The following PLCG2 variants were observed in gnomAD, a reference collection of about 807,000 sequenced individuals.
PLCG2 encodes phospholipase C gamma 2.
In PLCG2, 69 loss-of-function variants were observed where a neutral mutation model predicts 175.6. That is an observed-to-expected ratio of 0.39 (90% CI 0.32 to 0.48). PLCG2 has a LOEUF of 0.48. Ranked by LOEUF, PLCG2 falls within the 20% of genes least tolerant of loss-of-function variation. The pLI is 0.91. For synonymous variants in PLCG2, 827 were observed against 624.0 expected (o/e 1.33, Z -4.85); for missense variants, 1,798 against 1,650.9 (o/e 1.09, Z -1.54).
intron 1 of PLCG2, among the ~76,000 whole-genome samples, chr16:81,784,203 C>T (rs1304454703): frequency 1.3e-5 from 2 of 152,148 alleles, no homozygotes; most frequent in Non-Finnish European, 1.5e-5. Flanking sequence ...GGGCAAAGGG[C>T]AAATCCTGGG....
chr16:81,956,054 T>A (rs150393459), intron 31 of PLCG2, among the ~76,000 whole-genome samples: 2 of 152,342 alleles, frequency 1.3e-5, no homozygotes, highest in African/African-American at 4.8e-5. Context: ...CATTAGCTGC[T>A]GCCACTCACT....
chr16:81,897,053 G>T (rs1020974713), intron 13 of PLCG2, among the ~76,000 whole-genome samples: 2 of 152,230 alleles, frequency 1.3e-5, no homozygotes, highest in Admixed American at 6.5e-5. Context: ...CAGCCCTGTT[G>T]CTGAAGTGCA....
At chr16:81,866,365 A>T (rs60584170) in intron 5 of PLCG2, among the ~76,000 whole-genome samples, 1 of 86,784 alleles carries the variant, frequency 1.2e-5, no homozygotes, top group African/African-American at 4.6e-5. Context: ...TCCCAGGTTG[A>T]GCTCCACTGG....
At chr16:81,948,162 T>TA (rs1911224757) in intron 31 of PLCG2, among the ~76,000 whole-genome samples, 1 of 152,214 alleles carries the variant, frequency 6.6e-6, no homozygotes, top group South Asian at 2.1e-4. Flanking sequence ...AGCAATGGAA[T>TA]AATAAATCAA....
In PLCG2 at chr16:81,908,428, A is replaced by C; in HGVS notation, c.1570A>C (p.Thr524Pro). The change falls in exon 17 of 33, where the codon ACA (threonine) becomes CCA (proline). Residue 524 changes from threonine (T) to proline (P), a missense_variant. Coordinates refer to ENST00000564138, the MANE Select transcript of PLCG2 (RefSeq NM_002661.5). The stretch of plus-strand genomic sequence containing the variant: ...CTTTGCGGCCCAGGATATACCCCCT[A>C]CAGAACTACATTTTGGGGAGAAATG... ...EEEVPQDIPP[T>P]ELHFGEKWFH... 3 of 1,613,946 alleles carry C rather than the reference A, an allele frequency of 1.9e-6. No individual in the cohort carries two copies. Among genetic ancestry groups the C allele is most frequent in the Non-Finnish European group, 2.5e-6 (3 of 1,179,912 alleles).
chr16:81,859,370 G>C, intron 5 of PLCG2: 1 of 530,068 alleles, frequency 1.9e-6, no homozygotes. Flanking sequence ...GAAAATTCAA[G>C]TACAGCCTCA....
At chr16:81,754,172 G>A (rs1039919557) in intron 1 of PLCG2, among the ~76,000 whole-genome samples, 6 of 151,794 alleles carry the variant, frequency 4.0e-5, no homozygotes, top group African/African-American at 1.5e-4. Context: ...CTCCATCTCC[G>A]TCTCCACCTC....
chr16:81,946,898 AGTGAAGCAGACCCT>A (rs1427318590), intron 31 of PLCG2, among the ~76,000 whole-genome samples: 25 of 17,528 alleles, frequency 1.4e-3, no homozygotes, highest in Non-Finnish European at 6.3e-4. Flanking sequence ...CCCTTTGCTT[AGTGAAGCAGACCCT>A]TTGCTTAGTG....
At chr16:81,946,344 C>G (rs1022585197) in intron 31 of PLCG2, 81 bp downstream of exon 31, 4 of 971,146 alleles carry the variant, frequency 4.1e-6, no homozygotes, top group African/African-American at 1.6e-5. Flanking sequence ...ATACAATTGG[C>G]AGATGGACTT....
rs114570910 is a variant in PLCG2 at position 81,922,781 on chromosome 16, C to T, written c.2308-704C>T. On this transcript the variant is annotated intron_variant, in intron 21 of 32. Coordinates refer to ENST00000564138, the MANE Select transcript of PLCG2 (RefSeq NM_002661.5). Reference sequence around the variant, plus strand: ...ACAACGTCAGAGCTTTTCCCACTAACATTTGCTTGCCGTGTGGGTGTTCAT... The same window carrying T: ...ACAACGTCAGAGCTTTTCCCACTAATATTTGCTTGCCGTGTGGGTGTTCAT... Among the ~76,000 whole-genome samples, 1,182 of 152,322 alleles carry T rather than the reference C, an allele frequency of 7.8e-3. 8 individuals carry two copies. The highest frequency in any genetic ancestry group is 0.027 in the African/African-American group (1,121 of 41,570).
At chr16:81,871,133 A>G (rs952296752) in intron 7 of PLCG2, among the ~76,000 whole-genome samples, 198 bp downstream of exon 7, 7 of 152,218 alleles carry the variant, frequency 4.6e-5, no homozygotes, top group African/African-American at 1.7e-4. Context: ...AGCTGTGGGC[A>G]AAATGTAGAG....
intron 2 of PLCG2, among the ~76,000 whole-genome samples, chr16:81,839,321 C>G (rs1157154691): frequency 6.6e-6 from 1 of 151,902 alleles, no homozygotes; most frequent in Non-Finnish European, 1.5e-5. Flanking sequence ...TGGCTCCAAA[C>G]CACCCCCCAA....
intron 2 of PLCG2, among the ~76,000 whole-genome samples, chr16:81,836,028 C>A (rs921280796): frequency 6.6e-6 from 1 of 152,206 alleles, no homozygotes; most frequent in Non-Finnish European, 1.5e-5. Context: ...TTCACACATA[C>A]CAGGGACTGG....
chr16:81,800,022 G>A (rs1184969493), intron 2 of PLCG2, among the ~76,000 whole-genome samples: 1 of 152,196 alleles, frequency 6.6e-6, no homozygotes, highest in East Asian at 1.9e-4. Context: ...TATCCCATTT[G>A]TGGCCATGGA....
rs763370826 is a variant in PLCG2 at position 81,786,025 on chromosome 16, A to G, written c.36A>G (p.Glu12=). 1 of 1,614,216 alleles carries G rather than the reference A, an allele frequency of 6.2e-7. No individual in the cohort carries two copies. Among genetic ancestry groups the G allele is most frequent in the Non-Finnish European group, 8.5e-7 (1 of 1,180,028 alleles). ...STTVNVDSLA[E]YEKSQIKRAL... ...CGGTCAATGTAGATTCCCTTGCGGA[A>G]TATGAGAAGAGCCAGATCAAGAGAG... The change falls in exon 2 of 33, where the codon GAA becomes GAG. Residue 12 remains glutamate, a synonymous_variant. Coordinates refer to ENST00000564138, the MANE Select transcript of PLCG2 (RefSeq NM_002661.5).
Position 81,907,778 on chromosome 16 carries a change from G to C in PLCG2, c.1557+4G>C, listed in dbSNP as rs751255462. ...TATGGAGGAGGAAGTGCCCCAGGTA[G>C]GGGGACACCCTAGCCACATAGGGAG... On this transcript the variant is annotated splice_donor_region_variant and intron_variant, in intron 16 of 32. Coordinates refer to ENST00000564138, the MANE Select transcript of PLCG2 (RefSeq NM_002661.5). The C allele has an allele frequency of 1.9e-6, 3 of 1,609,424 alleles. No homozygotes were observed. In the African/African-American group the frequency reaches 4.0e-5, roughly 22 times the overall value.
At chr16:81,750,064 A>G (rs1441808215) in intron 1 of PLCG2, among the ~76,000 whole-genome samples, 1 of 152,170 alleles carries the variant, frequency 6.6e-6, no homozygotes, top group Non-Finnish European at 1.5e-5. Flanking sequence ...AAAAGTTAAA[A>G]ACACATAGAG....
chr16:81,956,772 G>C lies in PLCG2; in HGVS notation c.3648G>C (p.Leu1216=), dbSNP rs761646110. 1.9e-5 allele frequency: 31 copies of C among 1,614,178 alleles called. No individual in the cohort carries two copies. The highest frequency in any genetic ancestry group is 2.6e-5 in the Non-Finnish European group (31 of 1,180,032). Residue 1216 remains leucine (L), a synonymous_variant, in exon 32 of 33, where the codon CTG becomes CTC. Transcript: ENST00000564138. ...RQEELNNQLF[L]YDTHQNLRNA... ...AAGAACTGAACAACCAGCTCTTTCT[G>C]TATGACACACACCAGAACTTGCGCA...
chr16:81,770,163 G>T (rs1910246109), intron 2 of PLCG2, among the ~76,000 whole-genome samples: 1 of 151,900 alleles, frequency 6.6e-6, no homozygotes, highest in African/African-American at 2.4e-5. Context: ...ACAGTTCACT[G>T]GATCTTCACA....
Sources: gnomAD v4.1 joint callset for allele counts (sites outside exome capture counted in the v4.1 genomes callset) on GRCh38, gnomAD v4.1.1 for gene constraint, MANE v1.5 for transcripts, NCBI Gene and HGNC (gene_info 2026-07-23, HGNC 2026-07-21) for gene names.